MAGI2: variants seen among roughly 807,000 people sequenced by gnomAD.
The protein encoded by MAGI2 is membrane associated guanylate kinase, WW and PDZ domain containing 2.
In MAGI2, 35 loss-of-function variants were observed where a neutral mutation model predicts 133.3. The ratio of observed to expected loss-of-function variants is 0.26; its 90% confidence interval spans 0.20 to 0.35. The LOEUF (loss-of-function observed/expected upper bound fraction) is 0.35. Among genes scored for constraint, MAGI2 ranks in the 10% least tolerant of loss-of-function variants. The probability of loss-of-function intolerance (pLI) is 1.00; values close to 1 mark genes in which losing one functional copy is unlikely to be tolerated. For missense variants in MAGI2, 1,636 were observed against 1,863.4 expected, an observed-to-expected ratio of 0.88 and a Z score of 2.25; for synonymous variants, 729 against 710.6, an observed-to-expected ratio of 1.03 and a Z score of -0.41.
At chr7:78,781,824 T>C (rs37848) in intron 2 of MAGI2, among the ~76,000 whole-genome samples, 136,836 of 152,224 alleles carry the variant, frequency 0.9, 61,589 homozygotes, top group East Asian at 1. Context: ...AGGTAGGCAC[T>C]GGAAGAGGTC....
chr7:79,287,703 A>C (rs922802505), intron 1 of MAGI2, among the ~76,000 whole-genome samples: 5 of 152,158 alleles, frequency 3.3e-5, no homozygotes, highest in African/African-American at 1.2e-4. Context: ...ACAAATAGGC[A>C]ATCAGTAAGT....
chr7:79,175,941 C>A (rs77135268), intron 1 of MAGI2, among the ~76,000 whole-genome samples: 7,696 of 151,960 alleles, frequency 0.051, 374 homozygotes, highest in African/African-American at 0.11. Flanking sequence ...TTAATACAAA[C>A]CTTGCATGGG....
chr7:78,723,355 G>C (rs1407199152), intron 2 of MAGI2, among the ~76,000 whole-genome samples: 1 of 152,088 alleles, frequency 6.6e-6, no homozygotes, highest in African/African-American at 2.4e-5. Flanking sequence ...GAAGGCCTGG[G>C]CCCTAACACA....
intron 2 of MAGI2, among the ~76,000 whole-genome samples, chr7:78,634,913 T>A (rs1456284049): frequency 6.6e-6 from 1 of 152,100 alleles, no homozygotes; most frequent in East Asian, 1.9e-4. Flanking sequence ...AAATTATAAT[T>A]TATATATTTT....
chr7:79,403,259 G>T (rs1476796562), intron 1 of MAGI2, among the ~76,000 whole-genome samples: 3 of 152,120 alleles, frequency 2.0e-5, no homozygotes, highest in Non-Finnish European at 2.9e-5. Context: ...TATGTTTACT[G>T]CTTTCTCTCT....
At chr7:78,875,728 A>T (rs1409167493) in intron 2 of MAGI2, among the ~76,000 whole-genome samples, 1 of 152,234 alleles carries the variant, frequency 6.6e-6, no homozygotes, top group East Asian at 1.9e-4. Flanking sequence ...CATTAAAAAA[A>T]TAATGAAGCA....
chr7:78,840,835 C>CTT (rs67759451), intron 2 of MAGI2, among the ~76,000 whole-genome samples: 196 of 150,270 alleles, frequency 1.3e-3, no homozygotes, highest in Middle Eastern at 3.4e-3. Context: ...TCTGAATCTC[C>CTT]TTTGTTTTTT....
At chr7:78,823,934 C>T (rs1286699511) in intron 2 of MAGI2, among the ~76,000 whole-genome samples, 1 of 151,308 alleles carries the variant, frequency 6.6e-6, no homozygotes, top group Non-Finnish European at 1.5e-5. Context: ...CACACACACA[C>T]AAAATGCATT....
intron 4 of MAGI2, chr7:78,519,224 C>T (rs1243974372): frequency 6.6e-6 from 1 of 151,488 alleles, no homozygotes; most frequent in Non-Finnish European, 1.5e-5. Context: ...CCTAAAGTCT[C>T]TACTCAATAA....
intron 2 of MAGI2, among the ~76,000 whole-genome samples, chr7:78,990,941 C>CACAG (rs982105642): frequency 3.3e-4 from 48 of 146,756 alleles, no homozygotes; most frequent in African/African-American, 9.9e-4. Flanking sequence ...CACACACACA[C>CACAG]AGAGATATGG....
intron 9 of MAGI2, 26 bp from the exon 10 acceptor site, chr7:78,256,607 C>T: frequency 1.3e-6 from 2 of 1,588,956 alleles, no homozygotes; most frequent in Non-Finnish European, 1.7e-6. Context: ...AGATTGACAA[C>T]ATGAGGTAAG....
At chr7:78,369,637 C>G (rs1345030133) in intron 6 of MAGI2, among the ~76,000 whole-genome samples, 1 of 152,042 alleles carries the variant, frequency 6.6e-6, no homozygotes, top group African/African-American at 2.4e-5. Context: ...TTTCTGATGA[C>G]TGAAACAAAG....
intron 1 of MAGI2, among the ~76,000 whole-genome samples, chr7:79,249,428 T>C (rs1833065794): frequency 6.6e-6 from 1 of 151,778 alleles, no homozygotes. Context: ...AAGATTTAAA[T>C]AATAAAATTT....
intron 2 of MAGI2, among the ~76,000 whole-genome samples, chr7:78,852,393 TTTG>T (rs1434283446): frequency 4.6e-5 from 7 of 152,114 alleles, no homozygotes; most frequent in African/African-American, 1.7e-4. Flanking sequence ...TTTATATAGT[TTTG>T]TTAATATTTT....
chr7:79,440,532 G>C (rs950250876), intron 1 of MAGI2, among the ~76,000 whole-genome samples: 17 of 152,110 alleles, frequency 1.1e-4, no homozygotes, highest in South Asian at 4.2e-4. Flanking sequence ...AGCCTATGTA[G>C]CTGGAAAATA....
chr7:79,308,945 T>A (rs1455060516), intron 1 of MAGI2, among the ~76,000 whole-genome samples: 1 of 151,726 alleles, frequency 6.6e-6, no homozygotes, highest in Non-Finnish European at 1.5e-5. Context: ...AAGTTGAACA[T>A]TTTTTTAAAC....
chr7:78,726,185 C>T (rs944986192), intron 2 of MAGI2, among the ~76,000 whole-genome samples: 5 of 152,014 alleles, frequency 3.3e-5, no homozygotes, highest in Non-Finnish European at 7.4e-5. Flanking sequence ...AATTCACAAC[C>T]TATGTAATCT....
At chr7:78,215,081 T>G (rs1301831238) in intron 10 of MAGI2, among the ~76,000 whole-genome samples, 4 of 152,150 alleles carry the variant, frequency 2.6e-5, no homozygotes, top group Non-Finnish European at 5.9e-5. Flanking sequence ...TCATTTTAGT[T>G]TGGGTTCTCA....
intron 1 of MAGI2, among the ~76,000 whole-genome samples, chr7:79,148,711 G>A (rs1822886768): frequency 6.6e-6 from 1 of 151,842 alleles, no homozygotes; most frequent in Admixed American, 6.6e-5. Context: ...GAGGGTGTGT[G>A]AAGAAAATGT....
Sources: allele counts gnomAD v4.1 joint callset (sites outside exome capture counted in the v4.1 genomes callset), GRCh38; gene constraint gnomAD v4.1.1; transcripts MANE v1.5; gene names NCBI Gene and HGNC (gene_info 2026-07-23, HGNC 2026-07-21).